The following NOX4 variants were observed in gnomAD, a reference collection of about 807,000 sequenced individuals.
The protein encoded by NOX4 is kidney oxidase-1.
A neutral mutation model predicts 87.6 loss-of-function variants in NOX4; 69 were observed. The observed-to-expected ratio is 0.79, with a 90% CI of 0.65 to 0.96. The LOEUF is 0.96. NOX4 is among the 40% of genes least tolerant of loss of function. The probability of loss-of-function intolerance (pLI) is 0.00; values close to 1 mark genes in which losing one functional copy is unlikely to be tolerated. For synonymous variants in NOX4, 275 were observed against 238.2 expected (o/e 1.15, Z -1.42); for missense variants, 680 against 681.5 (o/e 1.00, Z 0.02).
chr11:89,510,146 G>A, the NOX4 span, among the ~76,000 whole-genome samples: 1 of 152,142 alleles, frequency 6.6e-6, no homozygotes, highest in East Asian at 1.9e-4. Context: ...GGAAGGAGAT[G>A]GTCAGGCTTT....
chr11:89,554,193 C>T, the NOX4 span, among the ~76,000 whole-genome samples: 2 of 151,672 alleles, frequency 1.3e-5, no homozygotes, highest in African/African-American at 2.4e-5. Context: ...TTTCATAAAA[C>T]ATGGATCTAG....
chr11:89,369,518 T>C (rs987071000), intron 12 of NOX4, among the ~76,000 whole-genome samples: 1 of 152,126 alleles, frequency 6.6e-6, no homozygotes, highest in Non-Finnish European at 1.5e-5. Context: ...TACATTTGAT[T>C]ATTAGCCAAA....
chr11:89,438,292 A>G (rs1321842841), intron 6 of NOX4, among the ~76,000 whole-genome samples: 2 of 132,514 alleles, frequency 1.5e-5, no homozygotes, highest in Non-Finnish European at 3.1e-5. Flanking sequence ...TACTACATAT[A>G]AAATATTTTG....
chr11:89,461,100 T>C (rs901469996), intron 2 of NOX4, among the ~76,000 whole-genome samples: 3 of 151,966 alleles, frequency 2.0e-5, no homozygotes, highest in African/African-American at 4.8e-5. Flanking sequence ...TAGGTGGGAA[T>C]TGAACAATGA....
intron 11 of NOX4, among the ~76,000 whole-genome samples, chr11:89,376,683 C>G (rs1023965080): frequency 9.9e-5 from 15 of 152,068 alleles, no homozygotes; most frequent in Non-Finnish European, 2.2e-4. Context: ...GAGTTCAAGA[C>G]CAGCCTGACC....
Position 89,326,684 on chromosome 11 carries a change from T to G in NOX4, c.*72A>C, listed in dbSNP as rs1014747889. Reference sequence around the variant, plus strand: ...TCTTTGGCATAACACAGCTGATTGATTCCGCTGAGTTTCAAAGTCTTAGAA... The same window carrying G: ...TCTTTGGCATAACACAGCTGATTGAGTCCGCTGAGTTTCAAAGTCTTAGAA... On this transcript the variant is annotated 3_prime_UTR_variant, in exon 18 of 18. Transcript: ENST00000263317. The G allele has an allele frequency of 5.2e-6, 7 of 1,357,172 alleles. No individual in the cohort carries two copies. The Admixed American group carries it at 1.4e-4, about 26-fold the overall frequency. 84.1% of individuals were successfully genotyped at this position (1,357,172 alleles called of 1,614,324 possible). A position where few individuals can be genotyped will look rare whatever the true frequency, so the allele number is the denominator to read the frequency against.
At chr11:89,544,387 C>A in the NOX4 span, among the ~76,000 whole-genome samples, 1 of 152,094 alleles carries the variant, frequency 6.6e-6, no homozygotes, top group Non-Finnish European at 1.5e-5. Context: ...TTTTATCCTG[C>A]TCCACAATAG....
At chr11:89,514,413 T>C in the NOX4 span, among the ~76,000 whole-genome samples, 30 of 152,132 alleles carry the variant, frequency 2.0e-4, no homozygotes, top group Middle Eastern at 3.4e-3. Context: ...CTTAGGATTT[T>C]CAATATATGT....
intron 6 of NOX4, 117 bp from the exon 7 acceptor site, chr11:89,432,973 C>G: frequency 1.5e-6 from 1 of 676,816 alleles, no homozygotes; most frequent in African/African-American, 1.8e-5. Flanking sequence ...TAATTCAAAT[C>G]CCACATCTAC....
At chr11:89,484,513 G>A (rs567340513) in intron 2 of NOX4, among the ~76,000 whole-genome samples, 21 of 152,124 alleles carry the variant, frequency 1.4e-4, no homozygotes, top group African/African-American at 4.6e-4. Flanking sequence ...ATGTTCTTGC[G>A]TGTGTTCATA....
the NOX4 span, among the ~76,000 whole-genome samples, chr11:89,562,529 T>G: frequency 6.6e-6 from 1 of 152,166 alleles, no homozygotes; most frequent in African/African-American, 2.4e-5. Flanking sequence ...CCTACTGCCT[T>G]CAGCCTAAAG....
upstream of NOX4, among the ~76,000 whole-genome samples, chr11:89,501,314 C>T (rs757207578): frequency 6.6e-6 from 1 of 151,954 alleles, no homozygotes; most frequent in Non-Finnish European, 1.5e-5. Context: ...GTTTCCATAT[C>T]CCAATGAGCA....
At chr11:89,476,534 C>T (rs575814036) in intron 2 of NOX4, among the ~76,000 whole-genome samples, 1 of 149,158 alleles carries the variant, frequency 6.7e-6, no homozygotes, top group Admixed American at 6.6e-5. Flanking sequence ...CTAAATCCAA[C>T]TCCTATAACA....
At chr11:89,418,670 T>G (rs1942926432) in intron 8 of NOX4, among the ~76,000 whole-genome samples, 1 of 151,818 alleles carries the variant, frequency 6.6e-6, no homozygotes, top group Non-Finnish European at 1.5e-5. Context: ...TTTAAATAGC[T>G]AGACAGAAAT....
In NOX4 at chr11:89,476,882, T is replaced by C. The variant is rs185456711; in HGVS notation, c.153+13576A>G. ...AAAAATTAGGAAACTAAATAAGTCC[T>C]ATGATCCAATGCCATTTTTGTGAAT... On this transcript the variant is annotated intron_variant, in intron 2 of 17. Transcript: ENST00000263317. 1.1e-3 allele frequency among the ~76,000 whole-genome samples: 167 copies of C among 152,300 alleles called. 5 individuals are homozygous for C. In the East Asian group the frequency reaches 0.02, roughly 18 times the overall value.
the NOX4 span, among the ~76,000 whole-genome samples, chr11:89,574,437 T>C: frequency 6.6e-6 from 1 of 152,204 alleles, no homozygotes; most frequent in African/African-American, 2.4e-5. Flanking sequence ...CTCTCTAGAT[T>C]TCTGGTTTCT....
chr11:89,383,360 C>G (rs922334029), intron 11 of NOX4, among the ~76,000 whole-genome samples: 24 of 152,180 alleles, frequency 1.6e-4, no homozygotes, highest in Admixed American at 9.8e-4. Context: ...TCAAACTGTC[C>G]AACTTGCCCA....
At chr11:89,350,674 C>T (rs1490869828) in intron 13 of NOX4, among the ~76,000 whole-genome samples, 1 of 152,134 alleles carries the variant, frequency 6.6e-6, no homozygotes, top group Non-Finnish European at 1.5e-5. Context: ...TAGATACATA[C>T]AGCAGTGGTT....
chr11:89,370,887 G>T (rs1939385391), intron 12 of NOX4, among the ~76,000 whole-genome samples: 1 of 151,944 alleles, frequency 6.6e-6, no homozygotes, highest in Non-Finnish European at 1.5e-5. Flanking sequence ...ATTAGTCTTG[G>T]AGAGATCATT....
Sources: gnomAD v4.1 joint callset for allele counts (sites outside exome capture counted in the v4.1 genomes callset) on GRCh38, gnomAD v4.1.1 for gene constraint, MANE v1.5 for transcripts, NCBI Gene and HGNC (gene_info 2026-07-23, HGNC 2026-07-21) for gene names.